The following PBX3 variants were observed in gnomAD, a reference collection of about 807,000 sequenced individuals.
PBX3 encodes pre-B-cell leukemia transcription factor 3.
A neutral mutation model predicts 48.5 loss-of-function variants in PBX3; 14 were observed. The observed-to-expected ratio is 0.29, with a 90% CI of 0.19 to 0.45. PBX3 has a LOEUF of 0.45. Among genes scored for constraint, PBX3 ranks in the 20% least tolerant of loss-of-function variants. The pLI is 1.00. For synonymous variants in PBX3, 210 were observed against 200.3 expected (o/e 1.05, Z -0.41); for missense variants, 386 against 546.7 (o/e 0.71, Z 2.93).
At chr9:125,845,076 A>G (rs531463281) in intron 2 of PBX3, 7 of 152,256 alleles carry the variant, frequency 4.6e-5, no homozygotes, top group Non-Finnish European at 8.8e-5. Context: ...TACTGTCACT[A>G]TTTAACTACG....
At chr9:125,870,310 C>T (rs1840090028) in intron 2 of PBX3, among the ~76,000 whole-genome samples, 1 of 152,092 alleles carries the variant, frequency 6.6e-6, no homozygotes, top group Admixed American at 6.6e-5. Flanking sequence ...CTCAAGTGAT[C>T]CACCCGCCTT....
chr9:125,769,253 G>T (rs749072489), intron 2 of PBX3, among the ~76,000 whole-genome samples: 6 of 152,178 alleles, frequency 3.9e-5, no homozygotes, highest in Non-Finnish European at 5.9e-5. Context: ...GGCGCCAGCA[G>T]TTTTATCCAC....
chr9:125,858,120 T>A (rs1015747076), intron 2 of PBX3, among the ~76,000 whole-genome samples: 4 of 152,106 alleles, frequency 2.6e-5, no homozygotes, highest in African/African-American at 9.7e-5. Flanking sequence ...TCCCAGCACT[T>A]TGGGAGGCCA....
chr9:125,841,937 AC>A (rs1839299374), intron 2 of PBX3, among the ~76,000 whole-genome samples: 1 of 152,176 alleles, frequency 6.6e-6, no homozygotes, highest in Non-Finnish European at 1.5e-5. Flanking sequence ...TGTACTGTTA[AC>A]AAAAATCTAG....
intron 2 of PBX3, among the ~76,000 whole-genome samples, chr9:125,830,676 C>T (rs1021841194): frequency 5.3e-5 from 8 of 152,210 alleles, no homozygotes; most frequent in Middle Eastern, 3.4e-3. Context: ...TCTTTATGTA[C>T]TAGACACATT....
intron 2 of PBX3, among the ~76,000 whole-genome samples, chr9:125,775,512 C>T (rs1837049377): frequency 6.6e-6 from 1 of 152,170 alleles, no homozygotes; most frequent in East Asian, 1.9e-4. Flanking sequence ...TTCTTTCCCT[C>T]ATTGAATGTT....
intron 2 of PBX3, among the ~76,000 whole-genome samples, chr9:125,863,127 G>A (rs945182407): frequency 1.3e-5 from 2 of 151,784 alleles, no homozygotes; most frequent in African/African-American, 4.8e-5. Flanking sequence ...TGAACTCCTG[G>A]GTTCCAGTGA....
intron 5 of PBX3, 63 bp downstream of exon 5, chr9:125,935,670 AG>A (rs1301691920): frequency 7.0e-7 from 1 of 1,423,692 alleles, no homozygotes; most frequent in Non-Finnish European, 9.6e-7. Flanking sequence ...TTCCTTCCTC[AG>A]GGCATTATTA....
intron 2 of PBX3, among the ~76,000 whole-genome samples, chr9:125,809,303 C>A (rs1041288041): frequency 6.6e-6 from 1 of 151,982 alleles, no homozygotes; most frequent in East Asian, 1.9e-4. Flanking sequence ...AGTGAGTAGG[C>A]AAATTTGTAA....
At chr9:125,779,245 C>T (rs1588137177) in intron 2 of PBX3, among the ~76,000 whole-genome samples, 13 of 127,824 alleles carry the variant, frequency 1.0e-4, no homozygotes, top group African/African-American at 1.5e-4. Context: ...AACTTTGTTC[C>T]TTTTTTTTTT....
At chr9:125,794,407 A>G (rs755081192) in intron 2 of PBX3, among the ~76,000 whole-genome samples, 3 of 152,244 alleles carry the variant, frequency 2.0e-5, no homozygotes, top group Non-Finnish European at 4.4e-5. Context: ...TCTTTGGGCA[A>G]CAATGAAATT....
chr9:125,786,778 G>T (rs565417597), intron 2 of PBX3, among the ~76,000 whole-genome samples: 1 of 151,340 alleles, frequency 6.6e-6, no homozygotes, highest in Admixed American at 6.6e-5. Context: ...AGACTGGAGT[G>T]CGATGGCCCA....
At chr9:125,762,387 C>G (rs1181929798) in intron 2 of PBX3, among the ~76,000 whole-genome samples, 1 of 152,016 alleles carries the variant, frequency 6.6e-6, no homozygotes, top group Non-Finnish European at 1.5e-5. Context: ...AAATTCTTTA[C>G]CTTTGAGTTA....
At chr9:125,772,633 C>T (rs139573316) in intron 2 of PBX3, among the ~76,000 whole-genome samples, 7 of 152,330 alleles carry the variant, frequency 4.6e-5, no homozygotes, top group Admixed American at 2.0e-4. Context: ...TAAAGTAAGG[C>T]CACTAATTCG....
At chr9:125,815,389 C>A (rs1238258097) in intron 2 of PBX3, among the ~76,000 whole-genome samples, 1 of 152,072 alleles carries the variant, frequency 6.6e-6, no homozygotes, top group Non-Finnish European at 1.5e-5. Context: ...GACTGTATAT[C>A]ATTTTTCCAT....
chr9:125,780,431 C>T (rs1165252563), intron 2 of PBX3, among the ~76,000 whole-genome samples: 1 of 129,408 alleles, frequency 7.7e-6, no homozygotes, highest in South Asian at 2.5e-4. Flanking sequence ...CCCCCCACCT[C>T]CCTCCCAGAC....
intron 3 of PBX3, among the ~76,000 whole-genome samples, chr9:125,928,549 T>C (rs939690062): frequency 6.6e-6 from 1 of 151,366 alleles, no homozygotes; most frequent in Non-Finnish European, 1.5e-5. Context: ...CACTGCAAGC[T>C]CCATCGCCTG....
chr9:125,754,785 A>T (rs969987183), intron 2 of PBX3, among the ~76,000 whole-genome samples: 1 of 152,064 alleles, frequency 6.6e-6, no homozygotes, highest in Non-Finnish European at 1.5e-5. Context: ...TAGCAAAAAA[A>T]TTGGTGTGAT....
intron 3 of PBX3, among the ~76,000 whole-genome samples, chr9:125,928,629 C>T (rs1329590503): frequency 1.3e-5 from 2 of 151,912 alleles, no homozygotes; most frequent in Non-Finnish European, 2.9e-5. Flanking sequence ...CCACGGTGGG[C>T]TAATTTTTTG....
Sources: allele counts gnomAD v4.1 joint callset (sites outside exome capture counted in the v4.1 genomes callset), GRCh38; gene constraint gnomAD v4.1.1; transcripts MANE v1.5; gene names NCBI Gene and HGNC (gene_info 2026-07-23, HGNC 2026-07-21).